Variants in SLC35F3 observed in about 807,000 individuals in gnomAD.
The protein encoded by SLC35F3 is solute carrier family 35 member F3, also known as putative thiamine transporter SLC35F3.
SLC35F3 carries 25 observed loss-of-function variants against 49.9 expected under a neutral mutation model. The ratio of observed to expected loss-of-function variants is 0.50; its 90% CI spans 0.37 to 0.70. The LOEUF is 0.70. SLC35F3 is among the 30% of genes least tolerant of loss of function. The pLI, the probability that SLC35F3 is intolerant of heterozygous loss-of-function variation, is 0.00. For missense variants in SLC35F3, 525 were observed against 639.8 expected (o/e 0.82, Z 1.94); for synonymous variants, 275 against 265.4 (o/e 1.04, Z -0.35).
chr1:234,075,354 G>T (rs988937583), intron 2 of SLC35F3, among the ~76,000 whole-genome samples: 1 of 152,212 alleles, frequency 6.6e-6, no homozygotes, highest in Non-Finnish European at 1.5e-5. Flanking sequence ...GAGAGCCAAC[G>T]GAAGTGGTCT....
chr1:233,917,945 G>A (rs191466244), intron 2 of SLC35F3, among the ~76,000 whole-genome samples: 16 of 152,308 alleles, frequency 1.1e-4, no homozygotes, highest in Middle Eastern at 3.4e-3. Flanking sequence ...CAGCACTTCC[G>A]TGCTTGAGTT....
rs113798476 is a variant in SLC35F3 at position 234,051,940 on chromosome 1, G to A, written c.283+146182G>A. 4.1e-3 allele frequency among the ~76,000 whole-genome samples: 620 copies of A among 152,256 alleles called. 3 individuals are homozygous for A. Among genetic ancestry groups the A allele is most frequent in the African/African-American group, 0.011 (460 of 41,556 alleles). ...TGGTTCCGTTTAAGTGATGGATTAC[G>A]TTTATTGATTTGCGTATGTTGAACA... On this transcript the variant is annotated intron_variant, in intron 2 of 7. Coordinates refer to ENST00000366618, the MANE Select transcript of SLC35F3 (RefSeq NM_173508.4).
chr1:234,232,130 G>T (rs1572106342), intron 3 of SLC35F3, among the ~76,000 whole-genome samples: 1 of 152,166 alleles, frequency 6.6e-6, no homozygotes, highest in Admixed American at 6.5e-5. Flanking sequence ...GCTTCCTGTA[G>T]CTGACTTCCC....
chr1:234,299,104 T>C (rs979390333), intron 3 of SLC35F3, among the ~76,000 whole-genome samples: 3 of 152,202 alleles, frequency 2.0e-5, no homozygotes, highest in African/African-American at 7.2e-5. Context: ...TTGAGATTGA[T>C]TCAGGATCAC....
At chr1:233,926,248 T>C (rs780933858) in intron 2 of SLC35F3, among the ~76,000 whole-genome samples, 4 of 152,228 alleles carry the variant, frequency 2.6e-5, no homozygotes, top group African/African-American at 7.2e-5. Flanking sequence ...GGTTCCATTC[T>C]CCCTGTCACT....
At chr1:234,117,636 C>G (rs918929224) in intron 2 of SLC35F3, among the ~76,000 whole-genome samples, 1 of 148,866 alleles carries the variant, frequency 6.7e-6, no homozygotes, top group African/African-American at 2.5e-5. Context: ...CCTGTCATCC[C>G]AGAACTTTGG....
intron 2 of SLC35F3, among the ~76,000 whole-genome samples, chr1:234,035,964 TG>T (rs1475076830): frequency 6.6e-6 from 1 of 152,242 alleles, no homozygotes; most frequent in African/African-American, 2.4e-5. Context: ...GAGCCTTGGC[TG>T]TCCGCTCATA....
At chr1:234,085,403 T>C (rs2102874637) in intron 2 of SLC35F3, among the ~76,000 whole-genome samples, 1 of 152,354 alleles carries the variant, frequency 6.6e-6, no homozygotes, top group Non-Finnish European at 1.5e-5. Flanking sequence ...TTGGTTTTTG[T>C]TTCCTAAGTC....
chr1:233,959,588 T>C (rs4920187), intron 2 of SLC35F3, among the ~76,000 whole-genome samples: 18,036 of 152,022 alleles, frequency 0.12, 1,398 homozygotes, highest in Admixed American at 0.2. Flanking sequence ...GTACCATGAA[T>C]GTCAGTCAGG....
intron 3 of SLC35F3, among the ~76,000 whole-genome samples, chr1:234,287,986 A>C (rs1057498565): frequency 6.6e-6 from 1 of 152,150 alleles, no homozygotes; most frequent in African/African-American, 2.4e-5. Flanking sequence ...GCCTGAGCTC[A>C]AGCAGTCCTC....
In SLC35F3 at chr1:234,189,986, A is replaced by C. The variant is rs552123927; in HGVS notation, c.284-41431A>C. On this transcript the variant is annotated intron_variant, in intron 2 of 7. Transcript: ENST00000366618. Reference sequence around the variant, plus strand: ...TGAAACTAAGCTTCATAAATGAAGGAAAGATAGTCTTTTTCAGACAAACAC... The same window carrying C: ...TGAAACTAAGCTTCATAAATGAAGGCAAGATAGTCTTTTTCAGACAAACAC... Among the ~76,000 whole-genome samples, 3 of 152,336 alleles carry C rather than the reference A, an allele frequency of 2.0e-5. No homozygotes were observed. The East Asian group carries it at 5.8e-4, about 29-fold the overall frequency.
intron 2 of SLC35F3, among the ~76,000 whole-genome samples, chr1:234,162,862 CA>C (rs1666249377): frequency 6.6e-6 from 1 of 152,192 alleles, no homozygotes; most frequent in Non-Finnish European, 1.5e-5. Flanking sequence ...CTCAGGAATT[CA>C]AGGTGTGAAG....
At chr1:234,104,964 A>G (rs992227560) in intron 2 of SLC35F3, among the ~76,000 whole-genome samples, 2 of 152,062 alleles carry the variant, frequency 1.3e-5, no homozygotes, top group South Asian at 2.1e-4. Flanking sequence ...CCCCGTCTCT[A>G]CTAAAAATAC....
intron 2 of SLC35F3, among the ~76,000 whole-genome samples, chr1:234,069,115 AT>A (rs1283249295): frequency 2.4e-5 from 3 of 127,534 alleles, no homozygotes; most frequent in African/African-American, 6.0e-5. Context: ...TATATTGTAT[AT>A]TTTTGTATAT....
intron 2 of SLC35F3, among the ~76,000 whole-genome samples, chr1:234,045,072 C>T (rs1443198340): frequency 6.6e-6 from 1 of 152,106 alleles, no homozygotes; most frequent in African/African-American, 2.4e-5. Context: ...AATTAATTAA[C>T]ATATATAAAG....
rs184652449 is a variant in SLC35F3 at position 233,993,623 on chromosome 1, G to A, written c.283+87865G>A. Among the ~76,000 whole-genome samples the A allele has an allele frequency of 7.2e-5, 11 of 152,262 alleles. No homozygotes were observed. The East Asian group carries it at 1.5e-3, about 21-fold the overall frequency. Reference sequence around the variant, plus strand: ...TACAGCTGAGGAAGCAGAGATCCAGGCCATTAAACGATGCATCTAAGATCA... The same window carrying A: ...TACAGCTGAGGAAGCAGAGATCCAGACCATTAAACGATGCATCTAAGATCA... On this transcript the variant is annotated intron_variant, in intron 2 of 7. Transcript: ENST00000366618.
chr1:234,296,713 A>C (rs2025007), intron 3 of SLC35F3, among the ~76,000 whole-genome samples: 42 of 151,666 alleles, frequency 2.8e-4, no homozygotes, highest in African/African-American at 1.0e-3. Context: ...TACCTCTGCT[A>C]TTTGACTGAG....
intron 2 of SLC35F3, among the ~76,000 whole-genome samples, chr1:234,188,427 C>A (rs1455400604): frequency 6.6e-6 from 1 of 152,074 alleles, no homozygotes; most frequent in Non-Finnish European, 1.5e-5. Flanking sequence ...TAACTGCCAG[C>A]TTTCCCCGAC....
chr1:234,057,545 T>A (rs1664473940), intron 2 of SLC35F3, among the ~76,000 whole-genome samples: 1 of 152,232 alleles, frequency 6.6e-6, no homozygotes, highest in Non-Finnish European at 1.5e-5. Flanking sequence ...GTTTAGTGGA[T>A]TTCTTAGGAC....
Sources: gnomAD v4.1 joint callset for allele counts (sites outside exome capture counted in the v4.1 genomes callset) on GRCh38, gnomAD v4.1.1 for gene constraint, MANE v1.5 for transcripts, NCBI Gene and HGNC (gene_info 2026-07-23, HGNC 2026-07-21) for gene names.